The following SYT14 variants were observed in gnomAD, a reference collection of about 807,000 sequenced individuals.
SYT14 encodes the protein synaptotagmin-14.
In SYT14, 32 loss-of-function variants were observed where a neutral mutation model predicts 74.2. The observed-to-expected ratio is 0.43, with a 90% confidence interval of 0.33 to 0.58. The LOEUF is 0.58. Ranked by LOEUF, SYT14 falls within the 20% of genes least tolerant of loss-of-function variation. SYT14 has a pLI of 0.05. For synonymous variants in SYT14, 298 were observed against 337.7 expected, an observed-to-expected ratio of 0.88 and a Z score of 1.29; for missense variants, 791 against 981.8, an observed-to-expected ratio of 0.81 and a Z score of 2.60.
chr1:210,093,672 G>C (rs1211690121), intron 5 of SYT14, among the ~76,000 whole-genome samples: 1 of 152,204 alleles, frequency 6.6e-6, no homozygotes, highest in Non-Finnish European at 1.5e-5. Flanking sequence ...TGTAGAGTGG[G>C]ATAGAGTGCC....
exon 10 of SYT14, chr1:210,171,235 A>G (rs560617960): frequency 6.6e-6 from 1 of 152,332 alleles, no homozygotes; most frequent in South Asian, 2.1e-4. Flanking sequence ...AGACTTAACA[A>G]GTACTATTTT....
intron 7 of SYT14, among the ~76,000 whole-genome samples, chr1:210,127,777 G>A (rs1441030274): frequency 6.6e-6 from 1 of 152,162 alleles, no homozygotes; most frequent in East Asian, 1.9e-4. Context: ...TGTAATCCCA[G>A]CACTTTGGGA....
In SYT14 at chr1:210,075,705, G is replaced by A. The variant is rs1256440091; in HGVS notation, c.1313-18617G>A. Among the ~76,000 whole-genome samples, 3 of 152,054 alleles carry A rather than the reference G, an allele frequency of 2.0e-5. 1 individual carries two copies. Among genetic ancestry groups the A allele is most frequent in the Non-Finnish European group, 4.4e-5 (3 of 68,014 alleles). ...GGTGGTCTTAGGAAATGCAACATTT[G>A]GGCGCAAAGACAGGAGTACCTGTCC... On this transcript the variant is annotated intron_variant, in intron 5 of 9. Coordinates refer to ENST00000637265, the Ensembl canonical transcript of SYT14.
intron 5 of SYT14, among the ~76,000 whole-genome samples, chr1:210,048,819 G>A (rs1462053449): frequency 6.6e-6 from 1 of 152,188 alleles, no homozygotes; most frequent in Non-Finnish European, 1.5e-5. Context: ...CTATGACGCA[G>A]TAAAATCAAA....
intron 5 of SYT14, among the ~76,000 whole-genome samples, chr1:210,061,248 T>G (rs1314590366): frequency 3.9e-5 from 6 of 152,026 alleles, no homozygotes; most frequent in African/African-American, 1.2e-4. Flanking sequence ...AATACGAAAT[T>G]TTCATAATTG....
chr1:209,984,609 A>C (rs1442869239), intron 2 of SYT14, among the ~76,000 whole-genome samples: 3 of 152,136 alleles, frequency 2.0e-5, no homozygotes, highest in Non-Finnish European at 4.4e-5. Context: ...GAAGAACTTT[A>C]ATATTTCTTA....
intron 7 of SYT14, among the ~76,000 whole-genome samples, chr1:210,116,748 T>C (rs1167684773): frequency 2.6e-5 from 4 of 152,182 alleles, no homozygotes; most frequent in African/African-American, 7.2e-5. Context: ...ACATAGGTGT[T>C]CAATGAACAC....
Position 210,013,689 on chromosome 1 carries a change from C to A in SYT14, c.-429C>A, listed in dbSNP as rs149932852. On this transcript the variant is annotated 5_prime_UTR_variant, in exon 3 of 10. Transcript: ENST00000637265. ...TGTTGGGGTGTTTATTATCTTGATGCTGCTCCTTTTTCTCTATATTAATAA... is the reference window on the plus strand; with the variant it reads ...TGTTGGGGTGTTTATTATCTTGATGATGCTCCTTTTTCTCTATATTAATAA... 4 of 1,612,826 alleles carry A rather than the reference C, an allele frequency of 2.5e-6. No homozygotes were observed. The highest frequency in any genetic ancestry group is 3.4e-6 in the Non-Finnish European group (4 of 1,179,808).
rs200791368 is a variant in SYT14, at chr1:210,115,477, G to A, written c.2034+15016G>A. ...GGTGAATAATCAAGCAGGCGTCCCC[G>A]CAGTGATTAAACACCAAGGGAAGAC... On this transcript the variant is annotated intron_variant, in intron 7 of 9. Transcript: ENST00000637265. Among the ~76,000 whole-genome samples, 8 of 148,396 alleles carry A rather than the reference G, an allele frequency of 5.4e-5. 1 individual carries two copies. In the East Asian group the frequency reaches 7.9e-4, roughly 15 times the overall value.
intron 2 of SYT14, among the ~76,000 whole-genome samples, chr1:209,986,798 A>AT (rs1183984086): frequency 1.3e-5 from 2 of 151,720 alleles, no homozygotes; most frequent in East Asian, 3.9e-4. Flanking sequence ...TAATTTTTGT[A>AT]TTTTTTGTAG....
intron 2 of SYT14, among the ~76,000 whole-genome samples, chr1:209,992,431 CAGAA>C (rs2079707686): frequency 2.6e-5 from 4 of 152,250 alleles, no homozygotes; most frequent in South Asian, 4.2e-4. Flanking sequence ...AACTAAAAAA[CAGAA>C]AGTCAGATGC....
intron 5 of SYT14, among the ~76,000 whole-genome samples, chr1:210,051,402 G>T (rs1037833132): frequency 6.6e-6 from 1 of 151,970 alleles, no homozygotes; most frequent in African/African-American, 2.4e-5. Context: ...TATTTCATTC[G>T]ATGTTGAGTT....
intron 5 of SYT14, among the ~76,000 whole-genome samples, chr1:210,022,010 T>C (rs533520992): frequency 6.6e-6 from 1 of 152,334 alleles, no homozygotes; most frequent in South Asian, 2.1e-4. Context: ...AATAAATTAT[T>C]CACTTGCTTA....
In SYT14 at chr1:210,099,381, AAT is replaced by A. The variant is rs139518131; in HGVS notation, c.1585-628_1585-627del. Among the ~76,000 whole-genome samples the A allele has an allele frequency of 9.5e-3, 1,443 of 152,326 alleles. 19 individuals are homozygous for A. Among genetic ancestry groups the A allele is most frequent in the African/African-American group, 0.033 (1,363 of 41,566 alleles). On this transcript the variant is annotated intron_variant, in intron 6 of 9. Transcript: ENST00000637265. The stretch of plus-strand genomic sequence containing the variant: ...TCAATAGTCATTAATGTTAGAAAAT[AAT>A]ATGTTTTTAATTGTGTTTAGAAATT...
At chr1:210,026,561 G>A (rs1207588828) in intron 5 of SYT14, among the ~76,000 whole-genome samples, 1 of 149,770 alleles carries the variant, frequency 6.7e-6, no homozygotes, top group East Asian at 2.0e-4. Flanking sequence ...AAAACCCACT[G>A]AAAAATAATT....
At chr1:210,128,035 A>G (rs1262881167) in intron 7 of SYT14, among the ~76,000 whole-genome samples, 1 of 152,092 alleles carries the variant, frequency 6.6e-6, no homozygotes, top group Non-Finnish European at 1.5e-5. Context: ...TCTCAGTAAA[A>G]TAAAATAGGA....
At chr1:210,091,661 G>A (rs2081870392) in intron 5 of SYT14, among the ~76,000 whole-genome samples, 1 of 152,160 alleles carries the variant, frequency 6.6e-6, no homozygotes, top group Non-Finnish European at 1.5e-5. Flanking sequence ...TCATGAACTG[G>A]ATCATGTTCA....
At chr1:210,083,452 G>A (rs572240487) in intron 5 of SYT14, among the ~76,000 whole-genome samples, 1 of 152,322 alleles carries the variant, frequency 6.6e-6, no homozygotes, top group African/African-American at 2.4e-5. Flanking sequence ...ATGCTCTGTG[G>A]CTCAGGTTGG....
exon 3 of SYT14, chr1:210,013,735 T>C (rs1239571521): frequency 1.2e-5 from 20 of 1,613,080 alleles, no homozygotes; most frequent in Non-Finnish European, 1.6e-5. Context: ...TTTGAAAATG[T>C]TGGCGGGTTT....
Sources: gnomAD v4.1 joint callset for allele counts (sites outside exome capture counted in the v4.1 genomes callset) on GRCh38, gnomAD v4.1.1 for gene constraint, MANE v1.5 for transcripts, NCBI Gene and HGNC (gene_info 2026-07-23, HGNC 2026-07-21) for gene names.